The following MED25 variants were observed in gnomAD, a reference collection of about 807,000 sequenced individuals.
MED25 encodes mediator complex subunit 25.
MED25 carries 62 observed loss-of-function variants against 89.4 expected under a neutral mutation model. The ratio of observed to expected loss-of-function variants is 0.69; its 90% CI spans 0.57 to 0.86. MED25 has a LOEUF of 0.86. Among genes scored for constraint, MED25 ranks in the 40% least tolerant of loss-of-function variants. The pLI, the probability that MED25 is intolerant of heterozygous loss-of-function variation, is 0.00. For synonymous variants in MED25, 449 were observed against 427.9 expected, an observed-to-expected ratio of 1.05 and a Z score of -0.61; for missense variants, 905 against 1,005.2, an observed-to-expected ratio of 0.90 and a Z score of 1.35.
At position 49,829,961 on chromosome 19, in the gene MED25, C is replaced by T. The variant is rs1263343704; in HGVS notation, c.688+13C>T. 1.2e-6 allele frequency: 2 copies of T among 1,607,482 alleles called. No individual in the cohort carries two copies. The highest frequency in any genetic ancestry group is 8.5e-7 in the Non-Finnish European group (1 of 1,175,708). Reference sequence around the variant, plus strand: ...CTCGTGCTGCCTGGTGAGGCCTGGGCACCGTGCGCGGGGATGGGGGCTCGA... The same window carrying T: ...CTCGTGCTGCCTGGTGAGGCCTGGGTACCGTGCGCGGGGATGGGGGCTCGA... On this transcript the variant is annotated intron_variant, in intron 6 of 17. Transcript: ENST00000312865. This position sits in a 1 kb window ranked among gnomAD's most constrained non-coding sequence, Gnocchi z 4.6.
chr19:49,835,798 G>A lies in MED25; in HGVS notation c.1818G>A (p.Gln606=). The change falls in exon 16 of 18, where the codon CAG becomes CAA. Residue 606 remains glutamine, a synonymous_variant. Coordinates refer to ENST00000312865, the MANE Select transcript of MED25 (RefSeq NM_030973.4). The surrounding 1 kb of genome is among the most constrained non-coding windows in gnomAD (Gnocchi z 6.2). ...VGASGATGQP[Q]PQGTAQPPPG... ...CCTCTGGGGCCACGGGGCAGCCCCA[G>A]CCCCAAGGTACTGCCCAGCCCCCGC... 6.2e-7 allele frequency: 1 copy of A among 1,608,064 alleles called. No individual in the cohort carries two copies. The highest frequency in any genetic ancestry group is 8.5e-7 in the Non-Finnish European group (1 of 1,176,380).
downstream of MED25, among the ~76,000 whole-genome samples, chr19:49,837,824 A>G (rs2122122173): frequency 6.6e-6 from 1 of 152,288 alleles, no homozygotes; most frequent in South Asian, 2.1e-4. Context: ...AGCAGACAAG[A>G]TCGCACATGG....
chr19:49,827,537 C>T (rs1192812465), intron 3 of MED25, among the ~76,000 whole-genome samples: 1 of 152,118 alleles, frequency 6.6e-6, no homozygotes, highest in Non-Finnish European at 1.5e-5. Context: ...CTCTCTGTGT[C>T]CTTGTGTCTT....
At chr19:49,826,052 G>T (rs964929822) in intron 3 of MED25, among the ~76,000 whole-genome samples, 13 of 151,958 alleles carry the variant, frequency 8.6e-5, no homozygotes, top group African/African-American at 3.1e-4. Flanking sequence ...GTGCAAAGCT[G>T]TCTTGATGCC....
At position 49,831,828 on chromosome 19, in the gene MED25, A is replaced by C; in HGVS notation, c.1231-108A>C. ...GAGGGGCCTGGGGCTCATGGGACTT[A>C]AACTGGGGAACATCCTGAGCTTTGG... On this transcript the variant is annotated intron_variant, in intron 10 of 17. Transcript: ENST00000312865. This position sits in a 1 kb window ranked among gnomAD's most constrained non-coding sequence, Gnocchi z 5.0. 9.5e-7 allele frequency: 1 copy of C among 1,057,458 alleles called. No homozygotes were observed. The highest frequency in any genetic ancestry group is 2.5e-5 in the East Asian group (1 of 40,458). The allele number at this position is 1,057,458 out of a possible 1,614,324, so 65.5% of individuals were successfully genotyped here.
chr19:49,832,157 G>C lies in MED25; in HGVS notation c.1374G>C (p.Leu458=). The change falls in exon 12 of 18, where the codon CTG becomes CTC. Residue 458 remains leucine, a splice_region_variant and synonymous_variant. Transcript: ENST00000312865. ...TGCAGCTCATCCCCCAGCAGCTGCT[G>C]GTGAGTGGCGGTGGAGGGCCAGCCC... ...LIMQLIPQQL[L]TTLGPLFRNS... is the part of the protein sequence containing the mutation. The C allele has an allele frequency of 6.2e-7, 1 of 1,612,280 alleles. No individual in the cohort carries two copies. Among genetic ancestry groups the C allele is most frequent in the Non-Finnish European group, 8.5e-7 (1 of 1,179,906 alleles).
chr19:49,818,539 T>C (rs748116243), intron 1 of MED25, 32 bp from the exon 2 acceptor site: 1 of 1,614,232 alleles, frequency 6.2e-7, no homozygotes, highest in Admixed American at 1.7e-5. Context: ...GTTTCTTGCC[T>C]GACTCCGACC....
chr19:49,837,772 G>C (rs1161744640), downstream of MED25, among the ~76,000 whole-genome samples: 1 of 152,194 alleles, frequency 6.6e-6, no homozygotes, highest in Non-Finnish European at 1.5e-5. Flanking sequence ...CTCAGGACGT[G>C]TCCTTAGGGG....
chr19:49,821,835 A>C (rs1316220674), intron 3 of MED25, among the ~76,000 whole-genome samples: 1 of 149,512 alleles, frequency 6.7e-6, no homozygotes, highest in Non-Finnish European at 1.5e-5. Context: ...AAAAAAAAAA[A>C]AATTTTGTAG....
Position 49,836,458 on chromosome 19 carries a change from C to T in MED25, c.2146+52C>T. The T allele has an allele frequency of 1.3e-6, 2 of 1,544,392 alleles. No homozygotes were observed. The highest frequency in any genetic ancestry group is 1.8e-6 in the Non-Finnish European group (2 of 1,139,574). Reference sequence around the variant, plus strand: ...GTCTGGACTGAGTGTCCCAGCAGCTCCTGGGCTAGAGCACCAAGACCGAGT... The same window carrying T: ...GTCTGGACTGAGTGTCCCAGCAGCTTCTGGGCTAGAGCACCAAGACCGAGT... On this transcript the variant is annotated intron_variant, in intron 17 of 17. Coordinates refer to ENST00000312865, the MANE Select transcript of MED25 (RefSeq NM_030973.4). This position sits in a 1 kb window ranked among gnomAD's most constrained non-coding sequence, Gnocchi z 5.1.
chr19:49,826,858 G>A (rs1470227689), intron 3 of MED25, among the ~76,000 whole-genome samples: 1 of 152,186 alleles, frequency 6.6e-6, no homozygotes, highest in Non-Finnish European at 1.5e-5. Context: ...CTATAGGTGC[G>A]GGCATGGAGC....
Position 49,829,862 on chromosome 19 carries a change from C to G in MED25, c.602C>G (p.Pro201Arg), listed in dbSNP as rs144354024. ...CTTCTGTTTGAGAAGGCAGCCCCCC[C>G]GGCCTTGCTGGAGCCGCTGCAGCCT... The part of the protein sequence containing the change: ...LRLLFEKAAP[P>R]ALLEPLQPPT... Residue 201 changes from proline (P) to arginine (R), a missense_variant, in exon 6 of 18, where the codon CCG (proline) becomes CGG (arginine). Pro to Arg is a moderately radical substitution (Grantham distance 103). Transcript: ENST00000312865. The surrounding 1 kb of genome is among the most constrained non-coding windows in gnomAD (Gnocchi z 4.6). 4 of 1,612,804 alleles carry G rather than the reference C, an allele frequency of 2.5e-6. No individual in the cohort carries two copies. Among genetic ancestry groups the G allele is most frequent in the Non-Finnish European group, 3.4e-6 (4 of 1,179,732 alleles).
chr19:49,829,944 G>C lies in MED25; in HGVS notation c.684G>C (p.Leu228=). ...TGGTGCTGGTTCGGGGACTCGTGCT[G>C]CCTGGTGAGGCCTGGGCACCGTGCG... is the stretch of plus-strand genomic sequence containing the variant. ...RHMVLVRGLV[L]PVGGGSAPGP... The change falls in exon 6 of 18, where the codon CTG becomes CTC. Residue 228 remains leucine (L), a synonymous_variant. Coordinates refer to ENST00000312865, the MANE Select transcript of MED25 (RefSeq NM_030973.4). This position sits in a 1 kb window ranked among gnomAD's most constrained non-coding sequence, Gnocchi z 4.6. 1 of 1,610,950 alleles carries C rather than the reference G, an allele frequency of 6.2e-7. No homozygotes were observed.
chr19:49,836,243 C>T lies in MED25; in HGVS notation c.1983C>T (p.Pro661=), dbSNP rs769678191. 2 of 1,612,276 alleles carry T rather than the reference C, an allele frequency of 1.2e-6. No homozygotes were observed. The highest frequency in any genetic ancestry group is 1.1e-5 in the South Asian group (1 of 91,050). ...LNPPPPQTGV[P]PPQASLHHLQ... ...TCTCCCAGCCGCAGACTGGGGTGCC[C>T]CCACCCCAGGCCTCCCTCCACCACC... Residue 661 remains proline, a synonymous_variant, in exon 17 of 18, where the codon CCC becomes CCT. Transcript: ENST00000312865. This position sits in a 1 kb window ranked among gnomAD's most constrained non-coding sequence, Gnocchi z 5.1.
chr19:49,838,668 T>C, downstream of MED25: 1 of 457,094 alleles, frequency 2.2e-6, no homozygotes, highest in South Asian at 1.5e-5. Context: ...AGAGCATGCC[T>C]ATGTGTTTAA....
At chr19:49,838,444 G>GTCCCC (rs978005152), downstream of MED25, 4 of 399,490 alleles carry the variant, frequency 1.0e-5, no homozygotes, top group African/African-American at 8.2e-5. Flanking sequence ...GTTCGCCACA[G>GTCCCC]TCCCCACCAC....
rs2074060785 is a variant in MED25 at position 49,831,993 on chromosome 19, C to G, written c.1288C>G (p.Gln430Glu). Residue 430 changes from glutamine (Q) to glutamate (E), a missense_variant, in exon 11 of 18, where the codon CAG becomes GAG. By Grantham distance (29) the Gln-to-Glu change is conservative (BLOSUM62 2). Transcript: ENST00000312865. The surrounding 1 kb of genome is among the most constrained non-coding windows in gnomAD (Gnocchi z 5.0). ...NTKLTRSLPC[Q>E]VYVNHGENLK... ...CAAGCTGACGCGGTCACTGCCCTGC[C>G]AGGTCTACGTGAATCATGGCGAGAA... The G allele has an allele frequency of 1.9e-6, 3 of 1,614,076 alleles. No homozygotes were observed. Among genetic ancestry groups the G allele is most frequent in the Non-Finnish European group, 1.7e-6 (2 of 1,180,004 alleles).
chr19:49,837,031 C>T (rs1423397584), downstream of MED25: 1 of 1,060,914 alleles, frequency 9.4e-7, no homozygotes, highest in African/African-American at 1.6e-5. Context: ...GAGGAAACCC[C>T]AGGGGGCATC....
intron 3 of MED25, among the ~76,000 whole-genome samples, chr19:49,821,816 C>CA (rs35798804): frequency 0.23 from 19,527 of 83,850 alleles, 1,966 homozygotes; most frequent in Middle Eastern, 0.34. Context: ...AATTCTGTCT[C>CA]AAAAAAAAAA....
Sources: gnomAD v4.1 joint callset for allele counts (sites outside exome capture counted in the v4.1 genomes callset) on GRCh38, gnomAD v4.1.1 for gene constraint, Gnocchi (gnomAD v3.1) non-coding constraint, MANE v1.5 for transcripts, NCBI Gene and HGNC (gene_info 2026-07-23, HGNC 2026-07-21) for gene names.